Variants in ATP9B observed in about 807,000 individuals in gnomAD.
The protein encoded by ATP9B is ATPase phospholipid transporting 9B.
Under a neutral mutation model 146.1 loss-of-function variants are expected in ATP9B, and 110 were observed. The ratio of observed to expected loss-of-function variants is 0.75; its 90% CI spans 0.65 to 0.88. The LOEUF is 0.88. Among genes scored for constraint, ATP9B ranks in the 40% least tolerant of loss-of-function variants. ATP9B has a pLI of 0.00. For synonymous variants in ATP9B, 604 were observed against 569.7 expected (o/e 1.06, Z -0.86); for missense variants, 1,499 against 1,496.4 (o/e 1.00, Z -0.03).
At chr18:79,253,979 C>T (rs1305942318) in intron 12 of ATP9B, 1 of 153,026 alleles carries the variant, frequency 6.5e-6, no homozygotes, top group African/African-American at 2.4e-5. Flanking sequence ...TTAGTAGGGA[C>T]TATCATTTCA....
intron 1 of ATP9B, among the ~76,000 whole-genome samples, chr18:79,075,122 G>A (rs561386831): frequency 7.3e-5 from 11 of 151,366 alleles, no homozygotes; most frequent in Middle Eastern, 3.4e-3. Context: ...TGTCCCCCAG[G>A]CTGGAGTGCA....
At chr18:79,257,386 A>G (rs1170241692) in intron 12 of ATP9B, among the ~76,000 whole-genome samples, 1 of 152,268 alleles carries the variant, frequency 6.6e-6, no homozygotes, top group African/African-American at 2.4e-5. Flanking sequence ...CCCTGCTGAC[A>G]CAGAGCAAAT....
chr18:79,262,704 T>C lies in ATP9B; in HGVS notation c.1268+9163T>C, dbSNP rs1448053195. Among the ~76,000 whole-genome samples, 4 of 152,326 alleles carry C rather than the reference T, an allele frequency of 2.6e-5. No individual in the cohort carries two copies. The South Asian group carries it at 6.2e-4, about 24-fold the overall frequency. On this transcript the variant is annotated intron_variant, in intron 12 of 29. Transcript: ENST00000426216. ...GTCCATCCCCTTTACGTGGTACATA[T>C]GCCAGGGATTCCATACATGAACCCT...
At chr18:79,103,766 G>A (rs896201798) in intron 2 of ATP9B, among the ~76,000 whole-genome samples, 2 of 152,150 alleles carry the variant, frequency 1.3e-5, no homozygotes, top group African/African-American at 4.8e-5. Context: ...TAAATTTATG[G>A]TGATGAGTCC....
intron 10 of ATP9B, among the ~76,000 whole-genome samples, chr18:79,212,122 C>T (rs910248511): frequency 1.3e-5 from 2 of 152,150 alleles, no homozygotes; most frequent in African/African-American, 2.4e-5. Flanking sequence ...TTCATAAGTA[C>T]ATACCCTTTG....
At chr18:79,214,113 AT>A (rs1194271322) in intron 11 of ATP9B, 75 bp downstream of exon 11, 2 of 1,023,760 alleles carry the variant, frequency 2.0e-6, no homozygotes, top group Non-Finnish European at 2.8e-6. Flanking sequence ...ATAGTTCTGA[AT>A]AGCTCATTCT....
At chr18:79,140,506 G>A (rs950955371) in intron 5 of ATP9B, among the ~76,000 whole-genome samples, 4 of 152,102 alleles carry the variant, frequency 2.6e-5, no homozygotes, top group Non-Finnish European at 4.4e-5. Flanking sequence ...CAGGCACGGT[G>A]GCTCATGCCT....
chr18:79,170,474 G>A (rs1600135732), intron 7 of ATP9B, among the ~76,000 whole-genome samples: 1 of 152,296 alleles, frequency 6.6e-6, no homozygotes, highest in Admixed American at 6.5e-5. Context: ...AAATGTTTGA[G>A]TCACACTTTT....
chr18:79,120,273 C>T (rs2094165496), intron 4 of ATP9B, among the ~76,000 whole-genome samples: 1 of 152,160 alleles, frequency 6.6e-6, no homozygotes, highest in South Asian at 2.1e-4. Context: ...CAGATTTCTT[C>T]TAGCCAAAAT....
chr18:79,285,806 A>G (rs1047451494), intron 13 of ATP9B, among the ~76,000 whole-genome samples: 10 of 152,166 alleles, frequency 6.6e-5, no homozygotes, highest in African/African-American at 9.6e-5. Flanking sequence ...AAGGTGTAAG[A>G]AAGGGATCCA....
At chr18:79,293,982 C>G (rs1261375484) in intron 13 of ATP9B, among the ~76,000 whole-genome samples, 1 of 152,036 alleles carries the variant, frequency 6.6e-6, no homozygotes. Flanking sequence ...TCAGTTTTCT[C>G]CAAGCAGCAG....
intron 2 of ATP9B, among the ~76,000 whole-genome samples, chr18:79,099,444 C>G (rs1026520607): frequency 6.6e-6 from 1 of 152,164 alleles, no homozygotes; most frequent in African/African-American, 2.4e-5. Flanking sequence ...TGGTCTCAAA[C>G]TCCTGACCTC....
At chr18:79,106,101 GA>G (rs1210622658) in intron 2 of ATP9B, among the ~76,000 whole-genome samples, 2 of 152,204 alleles carry the variant, frequency 1.3e-5, no homozygotes, top group Non-Finnish European at 2.9e-5. Context: ...AACATTTTAA[GA>G]AAAAGTATAA....
intron 1 of ATP9B, among the ~76,000 whole-genome samples, chr18:79,076,229 A>G (rs2072598263): frequency 6.6e-6 from 1 of 152,216 alleles, no homozygotes; most frequent in Non-Finnish European, 1.5e-5. Context: ...AAAGCCTATT[A>G]TATTCATCTA....
intron 17 of ATP9B, among the ~76,000 whole-genome samples, chr18:79,330,566 C>G (rs1250512521): frequency 6.6e-6 from 1 of 152,156 alleles, no homozygotes; most frequent in Non-Finnish European, 1.5e-5. Context: ...GCACCCGCCA[C>G]CATGCCTGAC....
At chr18:79,339,254 A>ATGTCATGATCACAGTAAGAAGTG (rs2096843878) in intron 19 of ATP9B, among the ~76,000 whole-genome samples, 1 of 142,698 alleles carries the variant, frequency 7.0e-6, no homozygotes, top group Non-Finnish European at 1.5e-5. Context: ...AGTAGGAAGT[A>ATGTCATGATCACAGTAAGAAGTG]TGTCATGATC....
chr18:79,134,458 A>G (rs537139168), intron 5 of ATP9B, among the ~76,000 whole-genome samples: 18 of 152,214 alleles, frequency 1.2e-4, no homozygotes, highest in East Asian at 3.9e-4. Flanking sequence ...GGTTTCCCCC[A>G]GAGTAAGTAG....
chr18:79,107,857 GCT>G (rs1354636328), intron 2 of ATP9B, among the ~76,000 whole-genome samples: 10 of 152,122 alleles, frequency 6.6e-5, no homozygotes, highest in African/African-American at 2.2e-4. Flanking sequence ...TGAGATCCAG[GCT>G]CTCGTTTCAA....
chr18:79,266,942 C>A (rs964866658), intron 12 of ATP9B, among the ~76,000 whole-genome samples: 5 of 151,904 alleles, frequency 3.3e-5, no homozygotes, highest in African/African-American at 1.2e-4. Flanking sequence ...AGTTTGGTAT[C>A]TGGATTATGC....
Sources: gnomAD v4.1 joint callset for allele counts (sites outside exome capture counted in the v4.1 genomes callset) on GRCh38, gnomAD v4.1.1 for gene constraint, MANE v1.5 for transcripts, NCBI Gene and HGNC (gene_info 2026-07-23, HGNC 2026-07-21) for gene names.